UTP14C: variants seen among roughly 807,000 people sequenced by gnomAD.
UTP14C encodes UTP14C small subunit processome component, also known as U3 small nucleolar RNA-associated protein 14 homolog C.
Under a neutral mutation model 14.6 loss-of-function variants are expected in UTP14C, and 10 were observed. The ratio of observed to expected loss-of-function variants is 0.68; its 90% CI spans 0.42 to 1.16. The LOEUF is 1.16. Among genes scored for constraint, UTP14C ranks in the 50% most tolerant of loss-of-function variants. UTP14C has a pLI of 0.00. For missense variants in UTP14C, 818 were observed against 890.8 expected (o/e 0.92, Z 1.04); for synonymous variants, 315 against 331.6 (o/e 0.95, Z 0.54).
rs1954224792 is a variant in UTP14C at position 52,024,885 on chromosome 13, G to T, written c.-539G>T. 6.2e-7 allele frequency: 1 copy of T among 1,613,352 alleles called. No homozygotes were observed. The highest frequency in any genetic ancestry group is 8.5e-7 in the Non-Finnish European group (1 of 1,180,022). On this transcript the variant is annotated 5_prime_UTR_variant, in exon 1 of 2. Coordinates refer to ENST00000521776, the MANE Select transcript of UTP14C (RefSeq NM_021645.6). ...CATTTGATGAATTAAAGAATTATTT[G>T]TCTGAAGCAACAATTGGTCTGCATA...
chr13:52,029,651 G>A lies in UTP14C; in HGVS notation c.847G>A (p.Glu283Lys). The change falls in exon 2 of 2, where the codon GAA becomes AAA. Residue 283 changes from glutamate (E) to lysine (K), a missense_variant. Coordinates refer to ENST00000521776, the MANE Select transcript of UTP14C (RefSeq NM_021645.6). ...VNPTVALEEM[E>K]KIENARMMER... ...TCCAACTGTGGCACTGGAAGAAATGGAAAAAATTGAAAATGCCAGAATGAT... is the reference window on the plus strand; with the variant it reads ...TCCAACTGTGGCACTGGAAGAAATGAAAAAAATTGAAAATGCCAGAATGAT... 1 of 1,614,156 alleles carries A rather than the reference G, an allele frequency of 6.2e-7. No individual in the cohort carries two copies. The highest frequency in any genetic ancestry group is 2.2e-5 in the East Asian group (1 of 44,886).
chr13:52,028,855 A>G lies in UTP14C; in HGVS notation c.51A>G (p.Glu17=). Reference sequence around the variant, plus strand: ...ATCTGGCTTTGAGCCACCAGGAAGAACTAGTGGATTTGCCAAAAAACTACC... The same window carrying G: ...ATCTGGCTTTGAGCCACCAGGAAGAGCTAGTGGATTTGCCAAAAAACTACC... ...AENLALSHQE[E]LVDLPKNYPL... Residue 17 remains glutamate, a synonymous_variant, in exon 2 of 2, where the codon GAA becomes GAG. Coordinates refer to ENST00000521776, the MANE Select transcript of UTP14C (RefSeq NM_021645.6). 6.2e-7 allele frequency: 1 copy of G among 1,614,260 alleles called. No homozygotes were observed.
In UTP14C at chr13:52,026,396, G is replaced by A. The variant is rs942938611; in HGVS notation, c.-487+1459G>A. Among the ~76,000 whole-genome samples the A allele has an allele frequency of 7.9e-5, 12 of 152,204 alleles. No homozygotes were observed. The East Asian group carries it at 1.9e-3, about 24-fold the overall frequency. On this transcript the variant is annotated intron_variant, in intron 1 of 1. Coordinates refer to ENST00000521776, the MANE Select transcript of UTP14C (RefSeq NM_021645.6). ...AATAGCAGGATTTTAAGTATTGCACGTAAAAGCTTTCTGATTTCTCCAGTC... is the reference window on the plus strand; with the variant it reads ...AATAGCAGGATTTTAAGTATTGCACATAAAAGCTTTCTGATTTCTCCAGTC...
chr13:52,030,534 C>A lies in UTP14C; in HGVS notation c.1730C>A (p.Thr577Lys). Residue 577 changes from threonine (T) to lysine (K), a missense_variant, in exon 2 of 2, where the codon ACA becomes AAA. Coordinates refer to ENST00000521776, the MANE Select transcript of UTP14C (RefSeq NM_021645.6). Reference protein sequence around the residue: ...SPSVRSLAVPTIIEELEDEEE... With the variant: ...SPSVRSLAVPKIIEELEDEEE... ...TCCGTGAGGTCTTTGGCAGTTCCCACAATAATAGAGGAGCTGGAAGATGAA... is the reference window on the plus strand; with the variant it reads ...TCCGTGAGGTCTTTGGCAGTTCCCAAAATAATAGAGGAGCTGGAAGATGAA... The A allele has an allele frequency of 1.2e-6, 2 of 1,614,080 alleles. No homozygotes were observed. Among genetic ancestry groups the A allele is most frequent in the Non-Finnish European group, 1.7e-6 (2 of 1,180,018 alleles).
Position 52,029,176 on chromosome 13 carries a change from T to G in UTP14C, c.372T>G (p.Ile124Met), listed in dbSNP as rs1350538615. The G allele has an allele frequency of 1.9e-6, 3 of 1,614,100 alleles. No homozygotes were observed. Among genetic ancestry groups the G allele is most frequent in the East Asian group, 2.2e-5 (1 of 44,880 alleles). ...AGTTACCTCTTAACAAAGAAAAAAT[T>G]GAACAGATCCACAGAGAAGTAGCAT... ...VVELPLNKEK[I>M]EQIHREVAFS... Residue 124 changes from isoleucine to methionine, a missense_variant, in exon 2 of 2, where the codon ATT (isoleucine) becomes ATG (methionine). Physicochemically the swap from Ile to Met is conservative, Grantham distance 10 (BLOSUM62 1). Transcript: ENST00000521776.
rs1954313120 is a variant in UTP14C at position 52,032,237 on chromosome 13, A to G, written c.*1132A>G. ...CTCCATCTCAAAAAAGAAAAAAAGG[A>G]AAAAGAAAATTATGAGAGTTACTTA... On this transcript the variant is annotated 3_prime_UTR_variant, in exon 2 of 2. Transcript: ENST00000521776. The G allele has an allele frequency of 6.1e-6, 1 of 163,740 alleles. No individual in the cohort carries two copies. The allele number at this position is 163,740 out of a possible 1,614,324, so 10.1% of individuals were successfully genotyped here.
Position 52,033,506 on chromosome 13 carries a change from A to G in UTP14C, c.*2401A>G, listed in dbSNP as rs1339318722. On this transcript the variant is annotated 3_prime_UTR_variant, in exon 2 of 2. Coordinates refer to ENST00000521776, the MANE Select transcript of UTP14C (RefSeq NM_021645.6). ...GTGTGGTGCCTTTTATATGCCTCAC[A>G]TAGTCTCCTTGTTCTCCTACTAATA... 1 of 167,092 alleles carries G rather than the reference A, an allele frequency of 6.0e-6. No individual in the cohort carries two copies. Among genetic ancestry groups the G allele is most frequent in the Non-Finnish European group, 1.5e-5 (1 of 68,118 alleles). The allele number at this position is 167,092 out of a possible 1,614,324, so 10.4% of individuals were successfully genotyped here.
In UTP14C at chr13:52,030,017, A is replaced by C. The variant is rs941883374; in HGVS notation, c.1213A>C (p.Ser405Arg). Residue 405 changes from serine to arginine, a missense_variant, in exon 2 of 2, where the codon AGT becomes CGT. Transcript: ENST00000521776. ...PELAAHEVSA[S>R]EAEERPVAEE... ...GCTTGCAGCTCATGAGGTTTCTGCA[A>C]GTGAGGCAGAAGAAAGACCAGTGGC... is the stretch of plus-strand genomic sequence containing the variant. The C allele has an allele frequency of 1.2e-6, 2 of 1,614,118 alleles. No homozygotes were observed. The highest frequency in any genetic ancestry group is 8.5e-7 in the Non-Finnish European group (1 of 1,180,048).
chr13:52,032,846 C>G lies in UTP14C; in HGVS notation c.*1741C>G, dbSNP rs566375880. ...TTAAATCTAAAGAATTTAGTAGATTCCTTCAGTGTCACAAAGCTGTTTCAT... is the reference window on the plus strand; with the variant it reads ...TTAAATCTAAAGAATTTAGTAGATTGCTTCAGTGTCACAAAGCTGTTTCAT... On this transcript the variant is annotated 3_prime_UTR_variant, in exon 2 of 2. Transcript: ENST00000521776. 1.2e-5 allele frequency: 2 copies of G among 167,134 alleles called. No individual in the cohort carries two copies. Among genetic ancestry groups the G allele is most frequent in the African/African-American group, 2.4e-5 (1 of 41,558 alleles). The allele number at this position is 167,134 out of a possible 1,614,324, so 10.4% of individuals were successfully genotyped here. A position where few individuals can be genotyped will look rare whatever the true frequency, so the allele number is the denominator to read the frequency against.
At position 52,030,331 on chromosome 13, in the gene UTP14C, G is replaced by A. The variant is rs551277224; in HGVS notation, c.1527G>A (p.Leu509=). The change falls in exon 2 of 2, where the codon CTG becomes CTA. Residue 509 remains leucine (L), a synonymous_variant. Coordinates refer to ENST00000521776, the MANE Select transcript of UTP14C (RefSeq NM_021645.6). ...LLQRSERVQT[L]EELEELGKED... The stretch of plus-strand genomic sequence containing the variant: ...AGAGGTCAGAGAGAGTACAAACTCT[G>A]GAAGAGCTAGAAGAGCTGGGAAAAG... 163 of 1,614,214 alleles carry A rather than the reference G, an allele frequency of 1.0e-4. No individual in the cohort carries two copies. The South Asian group carries it at 1.5e-3, about 15-fold the overall frequency.
intron 1 of UTP14C, among the ~76,000 whole-genome samples, chr13:52,027,582 T>C (rs1484712479): frequency 1.3e-5 from 2 of 152,200 alleles, no homozygotes; most frequent in African/African-American, 2.4e-5. Flanking sequence ...AAGGGCTTAA[T>C]TCTCCTAGGA....
chr13:52,028,227 C>T (rs760485531), intron 1 of UTP14C, 92 bp from the exon 2 acceptor site: 11 of 1,455,224 alleles, frequency 7.6e-6, no homozygotes, highest in Non-Finnish European at 1.1e-5. Flanking sequence ...CTCATAAGTC[C>T]CTTAAATTTT....
Position 52,033,239 on chromosome 13 carries a change from C to G in UTP14C, c.*2134C>G. Reference sequence around the variant, plus strand: ...AGAACTTTCAGGATGACTATTAATTCCTCTCAGATGTCATTTTTGAGTGGT... The same window carrying G: ...AGAACTTTCAGGATGACTATTAATTGCTCTCAGATGTCATTTTTGAGTGGT... On this transcript the variant is annotated 3_prime_UTR_variant, in exon 2 of 2. Coordinates refer to ENST00000521776, the MANE Select transcript of UTP14C (RefSeq NM_021645.6). 6.0e-6 allele frequency: 1 copy of G among 167,126 alleles called. No homozygotes were observed. 10.4% of individuals were successfully genotyped at this position (167,126 alleles called of 1,614,324 possible). A position where few individuals can be genotyped will look rare whatever the true frequency, so the allele number is the denominator to read the frequency against.
At chr13:52,027,996 G>T (rs1485336368) in intron 1 of UTP14C, among the ~76,000 whole-genome samples, 1 of 151,704 alleles carries the variant, frequency 6.6e-6, no homozygotes, top group Non-Finnish European at 1.5e-5. Flanking sequence ...GGTAGCTCAC[G>T]CTGGTAAATC....
At chr13:52,025,754 G>A (rs1290017339) in intron 1 of UTP14C, among the ~76,000 whole-genome samples, 2 of 152,190 alleles carry the variant, frequency 1.3e-5, no homozygotes, top group African/African-American at 4.8e-5. Context: ...TATTTCTCAA[G>A]CGCTTTGTGC....
rs762196882 is a variant in UTP14C at position 52,030,845 on chromosome 13, G to A, written c.2041G>A (p.Val681Ile). 1.9e-6 allele frequency: 3 copies of A among 1,614,168 alleles called. No individual in the cohort carries two copies. The highest frequency in any genetic ancestry group is 1.7e-6 in the Non-Finnish European group (2 of 1,180,046). The change falls in exon 2 of 2, where the codon GTA becomes ATA. Residue 681 changes from valine (V) to isoleucine (I), a missense_variant. Physicochemically the swap from Val to Ile is conservative, Grantham distance 29 (BLOSUM62 3). Coordinates refer to ENST00000521776, the MANE Select transcript of UTP14C (RefSeq NM_021645.6). ...KRNIHAAAHQ[V>I]QVLPYPFTHH... is the part of the protein sequence containing the mutation. ...CAACATCCACGCAGCAGCTCATCAG[G>A]TACAAGTGCTTCCATATCCATTTAC... is the stretch of plus-strand genomic sequence containing the variant.
In UTP14C at chr13:52,028,752, G is replaced by A. The variant is rs1954266482; in HGVS notation, c.-53G>A. 1 of 1,612,588 alleles carries A rather than the reference G, an allele frequency of 6.2e-7. No individual in the cohort carries two copies. Among genetic ancestry groups the A allele is most frequent in the South Asian group, 1.1e-5 (1 of 90,894 alleles). On this transcript the variant is annotated 5_prime_UTR_variant, in exon 2 of 2. It removes an upstream start codon present in the reference 5' UTR. Transcript: ENST00000521776. ...AGGAAGTGTTGAAAAGAAAATGGATGACTAGCCTTCGGCTTCCATTCTTGG... is the reference window on the plus strand; with the variant it reads ...AGGAAGTGTTGAAAAGAAAATGGATAACTAGCCTTCGGCTTCCATTCTTGG...
intron 1 of UTP14C, among the ~76,000 whole-genome samples, 158 bp downstream of exon 1, chr13:52,025,095 T>C (rs1436394073): frequency 6.6e-6 from 1 of 152,220 alleles, no homozygotes; most frequent in Admixed American, 6.5e-5. Flanking sequence ...TGTAAGATAG[T>C]AGTTAATAAT....
intron 1 of UTP14C, among the ~76,000 whole-genome samples, chr13:52,025,386 C>T (rs1229003473): frequency 1.3e-5 from 2 of 152,172 alleles, no homozygotes; most frequent in African/African-American, 4.8e-5. Context: ...GGTACAGATT[C>T]CTGGGCCCTA....
Sources: allele counts gnomAD v4.1 joint callset (sites outside exome capture counted in the v4.1 genomes callset), GRCh38; gene constraint gnomAD v4.1.1; transcripts MANE v1.5; gene names NCBI Gene and HGNC (gene_info 2026-07-23, HGNC 2026-07-21).